The following AGMO variants were observed in gnomAD, a reference collection of about 807,000 sequenced individuals.
AGMO encodes glyceryl-ether monooxygenase.
A neutral mutation model predicts 60.2 loss-of-function variants in AGMO; 75 were observed. That is an observed-to-expected ratio of 1.25 (90% CI 1.03 to 1.51). AGMO has a LOEUF of 1.51. AGMO is among the 40% of genes most tolerant of loss of function. AGMO has a pLI of 0.00. For synonymous variants in AGMO, 261 were observed against 177.1 expected (o/e 1.47, Z -3.76); for missense variants, 763 against 525.5 (o/e 1.45, Z -4.42).
chr7:15,276,855 T>C (rs1481360193), intron 12 of AGMO, among the ~76,000 whole-genome samples: 1 of 151,544 alleles, frequency 6.6e-6, no homozygotes, highest in Non-Finnish European at 1.5e-5. Flanking sequence ...ATTCCTTAAG[T>C]GAATTTTTCA....
the AGMO span, among the ~76,000 whole-genome samples, chr7:15,147,896 C>G: frequency 2.0e-5 from 3 of 152,136 alleles, no homozygotes; most frequent in Non-Finnish European, 4.4e-5. Context: ...CTGCACTAGC[C>G]TAAGCATTAT....
At chr7:15,449,192 AT>A (rs1437871264) in intron 3 of AGMO, among the ~76,000 whole-genome samples, 39 of 152,352 alleles carry the variant, frequency 2.6e-4, no homozygotes, top group African/African-American at 9.4e-4. Context: ...TTGTGCAAAC[AT>A]TATTTATAAT....
chr7:15,213,314 G>C (rs1781647349), intron 12 of AGMO, among the ~76,000 whole-genome samples: 2 of 151,816 alleles, frequency 1.3e-5, no homozygotes, highest in Admixed American at 1.3e-4. Flanking sequence ...GTCACAAATA[G>C]CTGAATTGTT....
At chr7:15,561,389 A>T (rs917769875) in intron 1 of AGMO, among the ~76,000 whole-genome samples, 1 of 152,218 alleles carries the variant, frequency 6.6e-6, no homozygotes, top group South Asian at 2.1e-4. Context: ...ATTGTTACAA[A>T]GTTTACTGAT....
chr7:15,320,704 G>T (rs1268480010), intron 12 of AGMO, among the ~76,000 whole-genome samples: 2 of 152,066 alleles, frequency 1.3e-5, no homozygotes, highest in African/African-American at 4.8e-5. Context: ...CATTAAATGA[G>T]ACGATATATA....
the AGMO span, among the ~76,000 whole-genome samples, chr7:15,142,569 T>C: frequency 6.6e-6 from 1 of 152,206 alleles, no homozygotes; most frequent in East Asian, 1.9e-4. Flanking sequence ...AATCTTTCAA[T>C]TTTATCTTTT....
At chr7:15,226,678 G>A (rs1210368039) in intron 12 of AGMO, among the ~76,000 whole-genome samples, 1 of 152,072 alleles carries the variant, frequency 6.6e-6, no homozygotes, top group Non-Finnish European at 1.5e-5. Flanking sequence ...CCTGAAGAAT[G>A]TCAACTAGCT....
intron 12 of AGMO, among the ~76,000 whole-genome samples, chr7:15,249,941 T>C (rs1027799294): frequency 1.2e-4 from 18 of 152,198 alleles, no homozygotes; most frequent in Middle Eastern, 3.2e-3. Flanking sequence ...AGGTTTTAAA[T>C]CTTTACTTAG....
At position 15,248,214 on chromosome 7, in the gene AGMO, A is replaced by ATATATATATATATATATATATATATG. The variant is rs1402723880; in HGVS notation, c.1264-46856_1264-46855insCATATATATATATATATATATATATA. ...TATATATATATATATATATATATAT[A>ATATATATATATATATATATATATATG]TATATATATATCTTCATCTTCAATT... On this transcript the variant is annotated intron_variant, in intron 12 of 12. Transcript: ENST00000342526. Among the ~76,000 whole-genome samples the ATATATATATATATATATATATATATG allele has an allele frequency of 3.5e-4, 25 of 71,162 alleles. 3 individuals carry two copies. The highest frequency in any genetic ancestry group is 5.7e-4 in the Non-Finnish European group (19 of 33,620). 46.7% of individuals were successfully genotyped at this position (71,162 alleles called of 152,430 possible). A position where few individuals can be genotyped will look rare whatever the true frequency, so the allele number is the denominator to read the frequency against.
At chr7:15,148,828 G>A in the AGMO span, among the ~76,000 whole-genome samples, 31 of 152,222 alleles carry the variant, frequency 2.0e-4, no homozygotes, top group African/African-American at 7.2e-4. Flanking sequence ...ATTTTGGGGA[G>A]TATATACCCA....
At chr7:15,309,813 T>C (rs1424827681) in intron 12 of AGMO, among the ~76,000 whole-genome samples, 1 of 152,106 alleles carries the variant, frequency 6.6e-6, no homozygotes. Context: ...TCAAAGATCA[T>C]TATGCCATTT....
At chr7:15,131,115 A>G in the AGMO span, among the ~76,000 whole-genome samples, 2 of 152,230 alleles carry the variant, frequency 1.3e-5, no homozygotes, top group Middle Eastern at 3.4e-3. Context: ...TTGGAAACAT[A>G]TATCAGAAGG....
chr7:15,398,028 G>C (rs1333587407), intron 5 of AGMO, among the ~76,000 whole-genome samples: 1 of 152,142 alleles, frequency 6.6e-6, no homozygotes, highest in Non-Finnish European at 1.5e-5. Context: ...GCTTTGGTTG[G>C]GCTTTGTATC....
chr7:15,470,169 T>A (rs908316894), intron 3 of AGMO, among the ~76,000 whole-genome samples: 2 of 151,972 alleles, frequency 1.3e-5, no homozygotes, highest in Non-Finnish European at 2.9e-5. Context: ...GCATAGCATG[T>A]GAAGAGTTGA....
At chr7:15,198,243 G>GAGAC (rs1563030458), downstream of AGMO, among the ~76,000 whole-genome samples, 21 of 98,694 alleles carry the variant, frequency 2.1e-4, no homozygotes, top group South Asian at 1.0e-3. Context: ...GAGAGAGAGA[G>GAGAC]AGAGAGAGAG....
chr7:15,381,554 G>T (rs1783686595), intron 10 of AGMO, among the ~76,000 whole-genome samples: 3 of 152,170 alleles, frequency 2.0e-5, no homozygotes, highest in Non-Finnish European at 4.4e-5. Context: ...GGAGATAAAG[G>T]AATGCTTATA....
intron 4 of AGMO, among the ~76,000 whole-genome samples, chr7:15,423,832 C>G (rs1215609231): frequency 1.3e-5 from 2 of 152,086 alleles, no homozygotes; most frequent in Non-Finnish European, 2.9e-5. Flanking sequence ...TCCCTCATAG[C>G]CCTCAAAAGG....
chr7:15,162,982 C>T, the AGMO span, among the ~76,000 whole-genome samples: 2 of 152,126 alleles, frequency 1.3e-5, no homozygotes, highest in Non-Finnish European at 2.9e-5. Context: ...TTTGTATCAT[C>T]TATCTGTGAT....
chr7:15,450,660 C>A lies in AGMO; in HGVS notation c.410-19552G>T, dbSNP rs556464636. Among the ~76,000 whole-genome samples the A allele has an allele frequency of 1.2e-4, 18 of 152,194 alleles. No homozygotes were observed. The East Asian group carries it at 2.9e-3, about 25-fold the overall frequency. On this transcript the variant is annotated intron_variant, in intron 3 of 12. Transcript: ENST00000342526. ...AATCACAAACATACATACACACACA[C>A]AGCAAGTCTGATATTATTCTGGATG...
Sources: allele counts gnomAD v4.1 joint callset (sites outside exome capture counted in the v4.1 genomes callset), GRCh38; gene constraint gnomAD v4.1.1; transcripts MANE v1.5; gene names NCBI Gene and HGNC (gene_info 2026-07-23, HGNC 2026-07-21).